KALRN: variants seen among roughly 807,000 people sequenced by gnomAD.
KALRN encodes the protein kalirin.
In KALRN, 70 loss-of-function variants were observed where a neutral mutation model predicts 353.7. That is an observed-to-expected ratio of 0.20 (90% CI 0.16 to 0.24). KALRN has a LOEUF of 0.24. Ranked by LOEUF, KALRN falls within the 10% of genes least tolerant of loss-of-function variation. KALRN has a pLI of 1.00. For missense variants in KALRN, 2,791 were observed against 3,756.7 expected, an observed-to-expected ratio of 0.74 and a Z score of 6.72; for synonymous variants, 1,391 against 1,434.8, an observed-to-expected ratio of 0.97 and a Z score of 0.69.
intron 1 of KALRN, among the ~76,000 whole-genome samples, chr3:124,214,408 A>G (rs2077143535): frequency 6.6e-6 from 1 of 152,054 alleles, no homozygotes; most frequent in Non-Finnish European, 1.5e-5. Context: ...AAATCTCTTT[A>G]CTCCCTAACT....
intron 1 of KALRN, among the ~76,000 whole-genome samples, chr3:124,133,183 T>C (rs992722556): frequency 2.6e-5 from 4 of 152,226 alleles, no homozygotes; most frequent in African/African-American, 9.6e-5. Flanking sequence ...TTAGTGGTGA[T>C]TAAAACTTCA....
intron 34 of KALRN, 113 bp from the exon 35 acceptor site, chr3:124,632,307 C>T: frequency 2.0e-6 from 2 of 1,019,212 alleles, no homozygotes; most frequent in African/African-American, 3.2e-5. Context: ...CTACAGCTGG[C>T]CTGGACATTC....
At chr3:124,297,521 C>T (rs993600220) in intron 5 of KALRN, among the ~76,000 whole-genome samples, 3 of 152,254 alleles carry the variant, frequency 2.0e-5, no homozygotes, top group African/African-American at 7.2e-5. Context: ...TCCAGGTCCT[C>T]ACCCACATCA....
intron 33 of KALRN, among the ~76,000 whole-genome samples, chr3:124,543,855 A>C (rs1420084354): frequency 6.6e-6 from 1 of 152,166 alleles, no homozygotes; most frequent in East Asian, 1.9e-4. Flanking sequence ...CAAGGGAAAA[A>C]CAGAAGCAAG....
intron 21 of KALRN, 62 bp from the exon 22 acceptor site, chr3:124,455,115 T>C (rs1261238465): frequency 1.3e-6 from 2 of 1,572,206 alleles, no homozygotes; most frequent in Non-Finnish European, 1.7e-6. Flanking sequence ...AAGAGAGGAT[T>C]TGGGGTGAAG....
At chr3:124,150,972 T>A (rs953976504) in intron 1 of KALRN, among the ~76,000 whole-genome samples, 11 of 152,234 alleles carry the variant, frequency 7.2e-5, no homozygotes, top group African/African-American at 2.7e-4. Flanking sequence ...AAATACACAC[T>A]GTTTTGTGTC....
chr3:124,100,695 G>A (rs1167007217), intron 1 of KALRN, among the ~76,000 whole-genome samples: 1 of 152,174 alleles, frequency 6.6e-6, no homozygotes, highest in Non-Finnish European at 1.5e-5. Flanking sequence ...CAACATTCCT[G>A]TAGCTACCAC....
chr3:124,416,862 G>A (rs1436512798), intron 14 of KALRN, among the ~76,000 whole-genome samples: 1 of 152,232 alleles, frequency 6.6e-6, no homozygotes, highest in African/African-American at 2.4e-5. Context: ...AGGACAATTA[G>A]CAATATTAAA....
intron 45 of KALRN, 92 bp from the exon 46 acceptor site, chr3:124,666,357 G>T: frequency 1.7e-6 from 2 of 1,152,054 alleles, no homozygotes; most frequent in Non-Finnish European, 2.5e-6. Flanking sequence ...TCTGTTGCCC[G>T]TATCCCCAGA....
chr3:124,411,668 A>G (rs1003110201), intron 13 of KALRN, among the ~76,000 whole-genome samples: 5 of 151,170 alleles, frequency 3.3e-5, no homozygotes, highest in Admixed American at 3.3e-4. Flanking sequence ...CTGGTCTTGA[A>G]CTCCTGGCCT....
intron 34 of KALRN, among the ~76,000 whole-genome samples, chr3:124,606,170 A>G (rs529434943): frequency 1.3e-5 from 2 of 152,362 alleles, no homozygotes; most frequent in South Asian, 4.1e-4. Flanking sequence ...CAGAAAACAC[A>G]GAGAGAAATA....
At chr3:124,560,425 C>G (rs1419553086) in intron 33 of KALRN, among the ~76,000 whole-genome samples, 1 of 152,104 alleles carries the variant, frequency 6.6e-6, no homozygotes, top group Non-Finnish European at 1.5e-5. Flanking sequence ...TCATCTAGGC[C>G]GGCATTCTAC....
At chr3:124,445,956 C>T (rs940284666) in intron 19 of KALRN, among the ~76,000 whole-genome samples, 5 of 152,220 alleles carry the variant, frequency 3.3e-5, no homozygotes, top group Admixed American at 2.6e-4. Flanking sequence ...ATGGGCTCTC[C>T]CCCTAGACTC....
At chr3:124,329,271 C>G (rs956440571) in intron 7 of KALRN, among the ~76,000 whole-genome samples, 4 of 152,196 alleles carry the variant, frequency 2.6e-5, no homozygotes, top group Non-Finnish European at 4.4e-5. Flanking sequence ...CAGCCTGTCC[C>G]CCTAGACTGC....
At chr3:124,305,033 G>A (rs1280081136) in intron 6 of KALRN, among the ~76,000 whole-genome samples, 1 of 152,170 alleles carries the variant, frequency 6.6e-6, no homozygotes, top group Non-Finnish European at 1.5e-5. Flanking sequence ...GAAGACCTGA[G>A]GCTATTCATC....
At chr3:124,715,125 A>C (rs907989339) in intron 58 of KALRN, among the ~76,000 whole-genome samples, 4 of 152,234 alleles carry the variant, frequency 2.6e-5, no homozygotes, top group Non-Finnish European at 5.9e-5. Flanking sequence ...TTAATATAAC[A>C]TGATAAATAC....
At chr3:124,589,927 G>T (rs2075605786) in intron 34 of KALRN, among the ~76,000 whole-genome samples, 1 of 152,154 alleles carries the variant, frequency 6.6e-6, no homozygotes, top group African/African-American at 2.4e-5. Flanking sequence ...TAGAACCTGT[G>T]GATACACAGG....
chr3:124,452,799 A>G (rs2058925657), intron 21 of KALRN, among the ~76,000 whole-genome samples: 1 of 152,128 alleles, frequency 6.6e-6, no homozygotes, highest in African/African-American at 2.4e-5. Flanking sequence ...GTCACAAACT[A>G]TTTGCTTTGC....
intron 34 of KALRN, among the ~76,000 whole-genome samples, chr3:124,602,017 C>G (rs1258545211): frequency 8.3e-6 from 1 of 120,656 alleles, no homozygotes; most frequent in Non-Finnish European, 1.7e-5. Flanking sequence ...CATAGCAAGA[C>G]TCTGTCTCAA....
Sources: gnomAD v4.1 joint callset for allele counts (sites outside exome capture counted in the v4.1 genomes callset) on GRCh38, gnomAD v4.1.1 for gene constraint, MANE v1.5 for transcripts, NCBI Gene and HGNC (gene_info 2026-07-23, HGNC 2026-07-21) for gene names.